The following UPP2 variants were observed in gnomAD, a reference collection of about 807,000 sequenced individuals.
UPP2 encodes the protein uridine phosphorylase 2, also known as UPase 2.
UPP2 carries 23 observed loss-of-function variants against 26.7 expected under a neutral mutation model. That is an observed-to-expected ratio of 0.86 (90% CI 0.62 to 1.22). The LOEUF is 1.22. Ranked by LOEUF, UPP2 falls within the 50% of genes most tolerant of loss-of-function variation. UPP2 has a pLI of 0.00. For missense variants in UPP2, 387 were observed against 396.7 expected (o/e 0.98, Z 0.21); for synonymous variants, 127 against 141.3 (o/e 0.90, Z 0.72).
chr2:158,070,975 A>T (rs1009756483), intron 3 of UPP2, among the ~76,000 whole-genome samples: 2 of 152,174 alleles, frequency 1.3e-5, no homozygotes, highest in Non-Finnish European at 2.9e-5. Flanking sequence ...CAGAGAGATC[A>T]TTTGGATCAG....
intron 3 of UPP2, among the ~76,000 whole-genome samples, chr2:158,058,373 G>GCTCT (rs869246675): frequency 0.013 from 488 of 37,476 alleles, 4 homozygotes; most frequent in East Asian, 0.054. Flanking sequence ...ATGCTTGTAT[G>GCTCT]CTCTCTCTCT....
In UPP2 at chr2:158,015,855, C is replaced by G. The variant is rs200448456; in HGVS notation, c.116C>G (p.Pro39Arg). Residue 39 changes from proline to arginine, a missense_variant, in exon 3 of 10, where the codon CCC becomes CGC. By Grantham distance (103) the Pro-to-Arg change is moderately radical. Transcript: ENST00000605860. ...ATGATTGTAAGTGTCCTGAGGCCTC[C>G]CAGCCATGCTTCCTGTACAGCCTGT... is the stretch of plus-strand genomic sequence containing the variant. The G allele has an allele frequency of 1.9e-3, 867 of 452,790 alleles. 2 individuals carry two copies. Among genetic ancestry groups the G allele is most frequent in the Admixed American group, 3.0e-3 (126 of 42,368 alleles). The allele number at this position is 452,790 out of a possible 1,614,324, so 28.0% of individuals were successfully genotyped here.
At chr2:158,005,777 T>C (rs1171342508) in intron 2 of UPP2, among the ~76,000 whole-genome samples, 1 of 152,158 alleles carries the variant, frequency 6.6e-6, no homozygotes, top group Non-Finnish European at 1.5e-5. Context: ...CTCTTCCGGC[T>C]TACAGCTGAC....
At chr2:158,031,869 G>A (rs778260725) in intron 3 of UPP2, among the ~76,000 whole-genome samples, 1 of 152,096 alleles carries the variant, frequency 6.6e-6, no homozygotes, top group Non-Finnish European at 1.5e-5. Context: ...CAATTTCCTC[G>A]TGTTTTAAAA....
intron 3 of UPP2, among the ~76,000 whole-genome samples, chr2:158,062,760 G>C (rs946811087): frequency 6.6e-6 from 1 of 152,158 alleles, no homozygotes; most frequent in Non-Finnish European, 1.5e-5. Flanking sequence ...TCCCGTCAGA[G>C]GACTATCCAA....
At chr2:158,038,666 T>G (rs939554392) in intron 3 of UPP2, among the ~76,000 whole-genome samples, 14 of 152,350 alleles carry the variant, frequency 9.2e-5, no homozygotes, top group African/African-American at 2.6e-4. Flanking sequence ...GAACAGCCTG[T>G]GGCTAATGCC....
chr2:158,102,101 G>T lies in UPP2; in HGVS notation c.38G>T (p.Arg13Ile). 1 of 1,613,418 alleles carries T rather than the reference G, an allele frequency of 6.2e-7. No homozygotes were observed. The highest frequency in any genetic ancestry group is 8.5e-7 in the Non-Finnish European group (1 of 1,179,736). The change falls in exon 1 of 7, where the codon AGA becomes ATA. Residue 13 changes from arginine (R) to isoleucine (I), a missense_variant. Transcript: ENST00000005756. ...ATACCTGCCTCCAATAGGTCCATGA[G>T]ATCTGACAGGAATACATATGTTGGG... ...SVIPASNRSM[R>I]SDRNTYVGKR...
intron 3 of UPP2, among the ~76,000 whole-genome samples, chr2:158,021,405 G>A (rs777155819): frequency 6.6e-5 from 10 of 152,328 alleles, no homozygotes; most frequent in Admixed American, 2.6e-4. Flanking sequence ...ACAAAGAAGC[G>A]TGACAATCCC....
At chr2:158,121,699 C>A in intron 5 of UPP2, 81 bp downstream of exon 5, 2 of 1,241,556 alleles carry the variant, frequency 1.6e-6, no homozygotes, top group Non-Finnish European at 2.3e-6. Context: ...TTTATATTAA[C>A]AACTCTACTT....
At chr2:158,126,535 A>C (rs1683697998) in intron 6 of UPP2, 1 of 152,214 alleles carries the variant, frequency 6.6e-6, no homozygotes, top group Admixed American at 6.5e-5. Flanking sequence ...AAGATCAGCC[A>C]CCAAGTATAG....
chr2:158,071,040 A>C (rs755183072), intron 3 of UPP2, among the ~76,000 whole-genome samples: 8 of 152,160 alleles, frequency 5.3e-5, no homozygotes, highest in Non-Finnish European at 1.2e-4. Context: ...GTTTCTCTGC[A>C]AGCCTCATCA....
At chr2:158,072,918 C>T (rs1048746867) in intron 3 of UPP2, among the ~76,000 whole-genome samples, 1 of 152,092 alleles carries the variant, frequency 6.6e-6, no homozygotes, top group Non-Finnish European at 1.5e-5. Flanking sequence ...TTTCAATGCC[C>T]AGGCACTGAT....
intron 3 of UPP2, among the ~76,000 whole-genome samples, chr2:158,082,169 C>T (rs1255584501): frequency 6.6e-6 from 1 of 152,044 alleles, no homozygotes; most frequent in Non-Finnish European, 1.5e-5. Flanking sequence ...AGGCTGGTCT[C>T]GAACTCCTGA....
intron 3 of UPP2, among the ~76,000 whole-genome samples, chr2:158,042,324 CT>C (rs1330941777): frequency 6.6e-6 from 1 of 152,128 alleles, no homozygotes; most frequent in Non-Finnish European, 1.5e-5. Context: ...ACCCCCCTCG[CT>C]TTTTTTCCTG....
At chr2:158,127,871 A>T in intron 6 of UPP2, 1 of 386,886 alleles carries the variant, frequency 2.6e-6, no homozygotes, top group African/African-American at 2.2e-5. Flanking sequence ...TTTCAGCATA[A>T]TGTAAACCTG....
intron 2 of UPP2, among the ~76,000 whole-genome samples, chr2:158,112,019 T>A (rs550133498): frequency 8.8e-4 from 134 of 152,282 alleles, no homozygotes; most frequent in African/African-American, 3.1e-3. Context: ...ATTGTTAAGA[T>A]AACTATACTA....
At chr2:158,050,892 T>C (rs1015899864) in intron 3 of UPP2, among the ~76,000 whole-genome samples, 7 of 152,088 alleles carry the variant, frequency 4.6e-5, no homozygotes, top group Non-Finnish European at 8.8e-5. Flanking sequence ...TCAATAATAA[T>C]TGGACATTTA....
At chr2:158,057,293 G>A (rs902839314) in intron 3 of UPP2, among the ~76,000 whole-genome samples, 1 of 152,168 alleles carries the variant, frequency 6.6e-6, no homozygotes, top group Non-Finnish European at 1.5e-5. Flanking sequence ...CCTAAGGAGT[G>A]GGGAGAGTTA....
chr2:158,017,626 G>A (rs1464414996), intron 3 of UPP2, among the ~76,000 whole-genome samples: 1 of 152,190 alleles, frequency 6.6e-6, no homozygotes, highest in Non-Finnish European at 1.5e-5. Flanking sequence ...TGTTGAAACT[G>A]GGAAAAGTTC....
Sources: allele counts gnomAD v4.1 joint callset (sites outside exome capture counted in the v4.1 genomes callset), GRCh38; gene constraint gnomAD v4.1.1; transcripts MANE v1.5; gene names NCBI Gene and HGNC (gene_info 2026-07-23, HGNC 2026-07-21).